Variants in CARS2 observed in about 807,000 individuals in gnomAD.
CARS2 encodes the protein cysteinyl-tRNA synthetase 2, mitochondrial.
In CARS2, 52 loss-of-function variants were observed where a neutral mutation model predicts 68.8. The ratio of observed to expected loss-of-function variants is 0.76; its 90% CI spans 0.61 to 0.95. The LOEUF (loss-of-function observed/expected upper bound fraction) is 0.95, where lower values mean the gene tolerates loss of function less well. Among genes scored for constraint, CARS2 ranks in the 40% least tolerant of loss-of-function variants. The probability of loss-of-function intolerance (pLI) is 0.00; values close to 1 mark genes in which losing one functional copy is unlikely to be tolerated. For missense variants in CARS2, 780 were observed against 754.2 expected, an observed-to-expected ratio of 1.03 and a Z score of -0.40; for synonymous variants, 314 against 303.6, an observed-to-expected ratio of 1.03 and a Z score of -0.36.
In CARS2 at chr13:110,705,667, A is replaced by G; in HGVS notation, c.225-96T>C. The G allele has an allele frequency of 6.8e-7, 1 of 1,472,520 alleles. No homozygotes were observed. The highest frequency in any genetic ancestry group is 1.2e-5 in the South Asian group (1 of 85,010). 91.2% of individuals were successfully genotyped at this position (1,472,520 alleles called of 1,614,324 possible). ...TGATCATATAATTTTTAAAGTAATC[A>G]CTTCTGGGGGATGAATAGCCGGGGT... On this transcript the variant is annotated intron_variant, in intron 1 of 14. Coordinates refer to ENST00000257347, the MANE Select transcript of CARS2 (RefSeq NM_024537.4). This position sits in a 1 kb window ranked among gnomAD's most constrained non-coding sequence, Gnocchi z 4.0.
At chr13:110,679,593 AAGAAAGAGAGAGAGAG>A (rs1259667525) in intron 6 of CARS2, among the ~76,000 whole-genome samples, 4 of 28,114 alleles carry the variant, frequency 1.4e-4, no homozygotes, top group Non-Finnish European at 3.0e-4. Flanking sequence ...GAAAGAAAGA[AAGAAAGAGAGAGAGAG>A]AGAGAGAGAG....
downstream of CARS2, chr13:110,641,415 T>C: frequency 1.3e-6 from 1 of 790,260 alleles, no homozygotes; most frequent in South Asian, 1.4e-5. Context: ...AGTGGGACAC[T>C]GTTGGTTGCC....
In CARS2 at chr13:110,687,422, C is replaced by G. The variant is rs12385854; in HGVS notation, c.571+299G>C. On this transcript the variant is annotated intron_variant, in intron 5 of 14. Coordinates refer to ENST00000257347, the MANE Select transcript of CARS2 (RefSeq NM_024537.4). ...CAGTGGCTCACGCCTGTAATCCCAG[C>G]ACTTTGGGAGGCTGAGGCAGGTGGA... Among the ~76,000 whole-genome samples the G allele has an allele frequency of 0.033, 5,005 of 152,156 alleles. 290 individuals carry two copies. Among genetic ancestry groups the G allele is most frequent in the African/African-American group, 0.11 (4,734 of 41,484 alleles).
At chr13:110,685,176 C>T (rs1005429634) in intron 5 of CARS2, among the ~76,000 whole-genome samples, 3 of 152,050 alleles carry the variant, frequency 2.0e-5, no homozygotes, top group African/African-American at 7.2e-5. Context: ...ATTCAACCAC[C>T]TAAGTCCTTT....
intron 13 of CARS2, 157 bp downstream of exon 13, chr13:110,644,228 T>G: frequency 7.0e-7 from 1 of 1,424,430 alleles, no homozygotes. Flanking sequence ...GTATTGGCTC[T>G]GAGTGTGTTT....
At chr13:110,674,501 T>C (rs918033570) in intron 7 of CARS2, among the ~76,000 whole-genome samples, 3 of 151,986 alleles carry the variant, frequency 2.0e-5, no homozygotes, top group Non-Finnish European at 4.4e-5. Context: ...CTGGGAAAAC[T>C]AGCTAGCCAT....
chr13:110,690,220 C>T (rs1039047629), intron 3 of CARS2, among the ~76,000 whole-genome samples: 2 of 152,050 alleles, frequency 1.3e-5, no homozygotes, highest in African/African-American at 4.8e-5. Flanking sequence ...AGAGCGAGAT[C>T]CTGTCTCAAA....
intron 9 of CARS2, chr13:110,662,803 A>G (rs2062545501): frequency 3.1e-6 from 1 of 318,386 alleles, no homozygotes; most frequent in African/African-American, 2.2e-5. Context: ...TCTGATGGGT[A>G]CAGCTTTCAC....
Position 110,642,539 on chromosome 13 carries a change from C to T in CARS2, c.1417-18G>A, listed in dbSNP as rs201457197. The T allele has an allele frequency of 1.9e-5, 30 of 1,606,792 alleles. No homozygotes were observed. Among genetic ancestry groups the T allele is most frequent in the South Asian group, 5.6e-5 (5 of 90,062 alleles). ...GAAACGTACTGAAGCCAGCAGGGCG[C>T]GGTTACGTCCCCCGGAGACTGTGGA... On this transcript the variant is annotated intron_variant, in intron 13 of 14. Coordinates refer to ENST00000257347, the MANE Select transcript of CARS2 (RefSeq NM_024537.4).
chr13:110,679,202 C>T (rs879592810), intron 6 of CARS2, among the ~76,000 whole-genome samples: 2 of 152,112 alleles, frequency 1.3e-5, no homozygotes, highest in Non-Finnish European at 2.9e-5. Context: ...CCATGGTGCC[C>T]ATGCTGTGTT....
Position 110,667,375 on chromosome 13 carries a change from T to G in CARS2, c.884A>C (p.Gln295Pro), listed in dbSNP as rs781605848. ...NEIAQCEVFHQCEQWGNYFLH... is the reference protein window; with the variant it reads ...NEIAQCEVFHPCEQWGNYFLH... The stretch of plus-strand genomic sequence containing the variant: ...AAAATAATTTCCCCACTGCTCGCAC[T>G]GATGAAAGACTTCGCACTGTGCAAT... Residue 295 changes from glutamine (Q) to proline (P), a missense_variant, in exon 8 of 15, where the codon CAG (glutamine) becomes CCG (proline). Gln to Pro is a moderately conservative substitution (Grantham distance 76). Transcript: ENST00000257347. 1.2e-6 allele frequency: 2 copies of G among 1,613,494 alleles called. No homozygotes were observed. The highest frequency in any genetic ancestry group is 1.7e-6 in the Non-Finnish European group (2 of 1,179,686).
intron 9 of CARS2, 129 bp downstream of exon 9, chr13:110,663,322 C>G: frequency 2.2e-6 from 2 of 890,536 alleles, no homozygotes; most frequent in Non-Finnish European, 3.4e-6. Flanking sequence ...TGAGGCAGGT[C>G]TCGTCATAAG....
At chr13:110,658,365 T>C (rs2062422355) in intron 9 of CARS2, among the ~76,000 whole-genome samples, 1 of 152,092 alleles carries the variant, frequency 6.6e-6, no homozygotes, top group East Asian at 1.9e-4. Context: ...TGCCAAGGCC[T>C]GGGGAAAGGG....
At chr13:110,708,564 ATTATG>A (rs937204603), upstream of CARS2, among the ~76,000 whole-genome samples, 3 of 150,188 alleles carry the variant, frequency 2.0e-5, no homozygotes, top group Admixed American at 1.3e-4. Flanking sequence ...CAGTGATTCT[ATTATG>A]TTTTCTTTTT....
At chr13:110,712,400 C>A in intron 1 of CARS2, 1 of 189,012 alleles carries the variant, frequency 5.3e-6, no homozygotes, top group Non-Finnish European at 1.1e-5. Context: ...CGGGGCCACC[C>A]CGGAGGGGAC....
intron 8 of CARS2, chr13:110,666,827 T>C: frequency 1.0e-6 from 1 of 985,400 alleles, no homozygotes; most frequent in Middle Eastern, 5.2e-4. Context: ...CCTGTAAACT[T>C]GGAAATACGA....
chr13:110,702,920 T>C (rs1228088512), intron 2 of CARS2, among the ~76,000 whole-genome samples: 1 of 152,196 alleles, frequency 6.6e-6, no homozygotes, highest in Non-Finnish European at 1.5e-5. Context: ...AGTGTGCTCA[T>C]CTGGGTGATC....
chr13:110,643,847 T>C (rs1887732236), intron 13 of CARS2: 2 of 245,106 alleles, frequency 8.2e-6, no homozygotes, highest in South Asian at 4.4e-5. Flanking sequence ...CCAAGTCTCT[T>C]TGCAAAAATG....
chr13:110,642,274 G>A lies in CARS2; in HGVS notation c.1623+41C>T, dbSNP rs142158842. 1.9e-5 allele frequency: 28 copies of A among 1,491,154 alleles called. No individual in the cohort carries two copies. In the Middle Eastern group the frequency reaches 1.1e-3, roughly 61 times the overall value. The allele number at this position is 1,491,154 out of a possible 1,614,324, so 92.4% of individuals were successfully genotyped here. On this transcript the variant is annotated intron_variant, in intron 14 of 14. Transcript: ENST00000257347. ...GGCCCCACGTCCTGTTGACCTACCC[G>A]GCTCCTGGGGTGATGTCCCTGACCT...
Sources: allele counts gnomAD v4.1 joint callset (sites outside exome capture counted in the v4.1 genomes callset), GRCh38; gene constraint gnomAD v4.1.1; non-coding constraint Gnocchi (gnomAD v3.1); transcripts MANE v1.5; gene names NCBI Gene and HGNC (gene_info 2026-07-23, HGNC 2026-07-21).